The following KCNH8 variants were observed in gnomAD, a reference collection of about 807,000 sequenced individuals.
KCNH8 encodes the protein potassium voltage-gated channel subfamily H member 8.
In KCNH8, 70 loss-of-function variants were observed where a neutral mutation model predicts 103.6. The observed-to-expected ratio is 0.68, with a 90% CI of 0.56 to 0.82. KCNH8 has a LOEUF of 0.82. Among genes scored for constraint, KCNH8 ranks in the 40% least tolerant of loss-of-function variants. The pLI, the probability that KCNH8 is intolerant of heterozygous loss-of-function variation, is 0.00. For synonymous variants in KCNH8, 498 were observed against 489.4 expected, an observed-to-expected ratio of 1.02 and a Z score of -0.23; for missense variants, 1,217 against 1,329.9, an observed-to-expected ratio of 0.92 and a Z score of 1.32.
chr3:19,483,019 A>C (rs758749087), intron 11 of KCNH8, among the ~76,000 whole-genome samples: 12 of 150,280 alleles, frequency 8.0e-5, no homozygotes, highest in Non-Finnish European at 1.6e-4. Flanking sequence ...ATATTGTATG[A>C]TTTTTTTTCA....
intron 1 of KCNH8, among the ~76,000 whole-genome samples, chr3:19,155,664 T>C (rs1289983430): frequency 6.6e-6 from 1 of 152,176 alleles, no homozygotes; most frequent in Non-Finnish European, 1.5e-5. Context: ...TGCTCTTTCA[T>C]GGTTTTGGGA....
chr3:19,299,655 A>C (rs185262193), intron 3 of KCNH8, among the ~76,000 whole-genome samples: 21 of 149,464 alleles, frequency 1.4e-4, no homozygotes, highest in African/African-American at 4.9e-4. Flanking sequence ...AAAATAAAAC[A>C]AAAATAAAAA....
At chr3:19,456,189 C>A (rs2125188225) in intron 10 of KCNH8, among the ~76,000 whole-genome samples, 1 of 152,082 alleles carries the variant, frequency 6.6e-6, no homozygotes, top group South Asian at 2.1e-4. Context: ...AGGTTTAAGT[C>A]CAGTACTAAC....
intron 5 of KCNH8, among the ~76,000 whole-genome samples, chr3:19,369,092 T>G (rs1256367318): frequency 6.6e-6 from 1 of 151,616 alleles, no homozygotes; most frequent in East Asian, 1.9e-4. Context: ...TAAATCACTT[T>G]GTTTTTTAAA....
intron 2 of KCNH8, among the ~76,000 whole-genome samples, chr3:19,275,450 T>A (rs1395563614): frequency 6.6e-6 from 1 of 152,042 alleles, no homozygotes; most frequent in Non-Finnish European, 1.5e-5. Flanking sequence ...GCCATTTACT[T>A]TGGCTCACTA....
chr3:19,483,085 A>C (rs1384852430), intron 11 of KCNH8, among the ~76,000 whole-genome samples: 1 of 151,838 alleles, frequency 6.6e-6, no homozygotes, highest in African/African-American at 2.4e-5. Context: ...TGTGGGAAGC[A>C]TAGACAGGGA....
At chr3:19,450,417 C>T in intron 9 of KCNH8, 112 bp downstream of exon 9, 1 of 808,680 alleles carries the variant, frequency 1.2e-6, no homozygotes, top group Non-Finnish European at 2.1e-6. Context: ...TTCTTTATTC[C>T]TTTACATTTT....
At chr3:19,151,882 A>C (rs2063133783) in intron 1 of KCNH8, among the ~76,000 whole-genome samples, 1 of 152,052 alleles carries the variant, frequency 6.6e-6, no homozygotes, top group Admixed American at 6.6e-5. Flanking sequence ...AATTACCACT[A>C]AATATATTTA....
At chr3:19,456,190 C>G (rs1389402976) in intron 10 of KCNH8, among the ~76,000 whole-genome samples, 1 of 151,912 alleles carries the variant, frequency 6.6e-6, no homozygotes, top group Non-Finnish European at 1.5e-5. Context: ...GGTTTAAGTC[C>G]AGTACTAACT....
intron 5 of KCNH8, among the ~76,000 whole-genome samples, chr3:19,367,649 TAAA>T (rs2125113597): frequency 6.6e-6 from 1 of 151,920 alleles, no homozygotes; most frequent in South Asian, 2.1e-4. Flanking sequence ...ATAGTTCAGA[TAAA>T]CAAAATATAA....
chr3:19,155,106 T>G (rs1317377575), intron 1 of KCNH8, among the ~76,000 whole-genome samples: 1 of 152,226 alleles, frequency 6.6e-6, no homozygotes, highest in African/African-American at 2.4e-5. Flanking sequence ...CAACCATCTT[T>G]GTCACATAAA....
At chr3:19,299,614 A>G (rs977261367) in intron 3 of KCNH8, among the ~76,000 whole-genome samples, 1 of 152,192 alleles carries the variant, frequency 6.6e-6, no homozygotes, top group Admixed American at 6.5e-5. Context: ...CCTATGTAAC[A>G]CACCTGCACT....
In KCNH8 at chr3:19,484,644, G is replaced by A. The variant is rs1299628815; in HGVS notation, c.2041-25719G>A. On this transcript the variant is annotated intron_variant, in intron 11 of 15. Transcript: ENST00000328405. ...GGCTGGGATTCCTTCTACCTTTACAGCCGTGGGGGTGGTCAGGATGATGGT... is the reference window on the plus strand; with the variant it reads ...GGCTGGGATTCCTTCTACCTTTACAACCGTGGGGGTGGTCAGGATGATGGT... Among the ~76,000 whole-genome samples, 4 of 152,082 alleles carry A rather than the reference G, an allele frequency of 2.6e-5. No individual in the cohort carries two copies. The South Asian group carries it at 8.3e-4, about 32-fold the overall frequency.
At chr3:19,481,391 T>G (rs754143881) in intron 11 of KCNH8, among the ~76,000 whole-genome samples, 33 of 152,140 alleles carry the variant, frequency 2.2e-4, no homozygotes, top group Admixed American at 5.2e-4. Flanking sequence ...AAAAGTCTAG[T>G]CTTTTTTTTA....
intron 3 of KCNH8, among the ~76,000 whole-genome samples, chr3:19,336,262 AAC>A (rs778682007): frequency 6.6e-6 from 1 of 151,780 alleles, no homozygotes; most frequent in Non-Finnish European, 1.5e-5. Context: ...TCTTTTTAAA[AAC>A]AGTCTTTTAT....
At chr3:19,278,152 A>G (rs1007689094) in intron 2 of KCNH8, among the ~76,000 whole-genome samples, 1 of 152,078 alleles carries the variant, frequency 6.6e-6, no homozygotes, top group African/African-American at 2.4e-5. Flanking sequence ...TGCAGGGTGG[A>G]GGGCTTGCTG....
rs375512756 is a variant in KCNH8 at position 19,338,990 on chromosome 3, C to T, written c.443-3597C>T. 2.0e-4 allele frequency among the ~76,000 whole-genome samples: 31 copies of T among 152,060 alleles called. 1 individual carries two copies. The highest frequency in any genetic ancestry group is 5.3e-4 in the Admixed American group (8 of 15,230). On this transcript the variant is annotated intron_variant, in intron 3 of 15. Coordinates refer to ENST00000328405, the MANE Select transcript of KCNH8 (RefSeq NM_144633.3). ...CACCCATATGTTATGTATATATGTACGTACTGATGTGTTTGTGGTTTATGT... is the reference window on the plus strand; with the variant it reads ...CACCCATATGTTATGTATATATGTATGTACTGATGTGTTTGTGGTTTATGT...
At position 19,168,716 on chromosome 3, in the gene KCNH8, G is replaced by A. The variant is rs181706266; in HGVS notation, c.76+19921G>A. Among the ~76,000 whole-genome samples, 28 of 152,270 alleles carry A rather than the reference G, an allele frequency of 1.8e-4. 1 individual carries two copies. In the East Asian group the frequency reaches 4.3e-3, roughly 23 times the overall value. ...ATGTCTTCCCATTCGTGTAACTATCGTTTTCAAATATGAAGGACGAAGAAT... is the reference window on the plus strand; with the variant it reads ...ATGTCTTCCCATTCGTGTAACTATCATTTTCAAATATGAAGGACGAAGAAT... On this transcript the variant is annotated intron_variant, in intron 1 of 15. Coordinates refer to ENST00000328405, the MANE Select transcript of KCNH8 (RefSeq NM_144633.3).
At chr3:19,309,828 A>T (rs1022733680) in intron 3 of KCNH8, among the ~76,000 whole-genome samples, 9 of 152,052 alleles carry the variant, frequency 5.9e-5, no homozygotes, top group Non-Finnish European at 1.3e-4. Flanking sequence ...GTTGAATCAG[A>T]AACTATGTGA....
Sources: gnomAD v4.1 joint callset for allele counts (sites outside exome capture counted in the v4.1 genomes callset) on GRCh38, gnomAD v4.1.1 for gene constraint, MANE v1.5 for transcripts, NCBI Gene and HGNC (gene_info 2026-07-23, HGNC 2026-07-21) for gene names.